Variants in BANP observed in about 807,000 individuals in gnomAD.
BANP encodes the protein BTG3 associated nuclear protein, also known as protein BANP.
In BANP, 11 loss-of-function variants were observed where a neutral mutation model predicts 68.1. The ratio of observed to expected loss-of-function variants is 0.16; its 90% CI spans 0.10 to 0.27. The LOEUF is 0.27. Among genes scored for constraint, BANP ranks in the 10% least tolerant of loss-of-function variants. BANP has a pLI of 1.00. For synonymous variants in BANP, 329 were observed against 303.2 expected (o/e 1.09, Z -0.88); for missense variants, 504 against 722.7 (o/e 0.70, Z 3.47).
At chr16:88,046,088 A>T (rs1318260948) in intron 11 of BANP, among the ~76,000 whole-genome samples, 7 of 152,220 alleles carry the variant, frequency 4.6e-5, no homozygotes, top group African/African-American at 1.4e-4. Context: ...GGTGGTGAGT[A>T]GGCGGGCTGT....
intron 6 of BANP, among the ~76,000 whole-genome samples, chr16:88,008,370 G>T (rs965140439): frequency 2.0e-5 from 3 of 152,160 alleles, no homozygotes; most frequent in African/African-American, 7.2e-5. Context: ...AAGGAGGGAT[G>T]CTCCTGATTT....
At chr16:88,058,735 A>T (rs201103287) in intron 11 of BANP, among the ~76,000 whole-genome samples, 1 of 151,454 alleles carries the variant, frequency 6.6e-6, no homozygotes, top group Admixed American at 6.6e-5. Context: ...TTAAGAAGCA[A>T]CTCGGACCCA....
chr16:87,954,165 C>G lies in BANP; in HGVS notation c.-69+2650C>G, dbSNP rs368425016. Among the ~76,000 whole-genome samples, 234 of 152,030 alleles carry G rather than the reference C, an allele frequency of 1.5e-3. 3 individuals are homozygous for G. The highest frequency in any genetic ancestry group is 2.4e-3 in the Non-Finnish European group (162 of 68,010). Reference sequence around the variant, plus strand: ...CGTTCTAGGTGGAGCCCTGGAGTTGCGTCTTTATCCTTCCTTCTGTGTCTC... The same window carrying G: ...CGTTCTAGGTGGAGCCCTGGAGTTGGGTCTTTATCCTTCCTTCTGTGTCTC... On this transcript the variant is annotated intron_variant, in intron 1 of 13. Coordinates refer to ENST00000682872, the MANE Select transcript of BANP (RefSeq NM_001386991.1).
intron 2 of BANP, among the ~76,000 whole-genome samples, chr16:87,980,265 G>C (rs1399384024): frequency 6.6e-6 from 1 of 152,202 alleles, no homozygotes; most frequent in African/African-American, 2.4e-5. Flanking sequence ...CTAGGTCTAA[G>C]GAAAAGGACT....
At chr16:88,073,817 C>A (rs4075599) in intron 13 of BANP, among the ~76,000 whole-genome samples, 1 of 152,152 alleles carries the variant, frequency 6.6e-6, no homozygotes, top group Non-Finnish European at 1.5e-5. Flanking sequence ...CAGAATTGAA[C>A]AAACCTGTGT....
chr16:87,972,864 G>C (rs1790189726), intron 1 of BANP, among the ~76,000 whole-genome samples: 2 of 152,116 alleles, frequency 1.3e-5, no homozygotes, highest in African/African-American at 4.8e-5. Flanking sequence ...GTTTTGAGAG[G>C]GCTTGGGGTC....
intron 11 of BANP, among the ~76,000 whole-genome samples, chr16:88,040,929 T>C (rs2080622029): frequency 6.6e-6 from 1 of 152,222 alleles, no homozygotes; most frequent in Admixed American, 6.5e-5. Flanking sequence ...CCAACTGTCA[T>C]TTAGGAATGG....
At chr16:87,998,433 G>C (rs1336632720) in intron 4 of BANP, among the ~76,000 whole-genome samples, 1 of 152,134 alleles carries the variant, frequency 6.6e-6, no homozygotes, top group African/African-American at 2.4e-5. Flanking sequence ...TGTGCCATCT[G>C]CGTGGGCTGC....
intron 8 of BANP, 79 bp from the exon 9 acceptor site, chr16:88,033,030 A>T (rs2078536697): frequency 3.5e-6 from 5 of 1,412,390 alleles, no homozygotes; most frequent in African/African-American, 1.4e-5. Flanking sequence ...ACAGTGGGGG[A>T]CGGGGGTGCA....
intron 12 of BANP, among the ~76,000 whole-genome samples, chr16:88,067,943 A>T (rs1005738485): frequency 6.6e-6 from 1 of 152,204 alleles, no homozygotes; most frequent in Non-Finnish European, 1.5e-5. Flanking sequence ...CACTGTGTCA[A>T]TGCCCCCTCC....
chr16:87,978,141 G>T (rs551123779), intron 2 of BANP, among the ~76,000 whole-genome samples: 5 of 152,210 alleles, frequency 3.3e-5, no homozygotes, highest in Admixed American at 2.6e-4. Context: ...CAGCCTGATT[G>T]TGATATCTTT....
At chr16:88,062,855 G>A (rs2087248917) in intron 11 of BANP, among the ~76,000 whole-genome samples, 1 of 152,206 alleles carries the variant, frequency 6.6e-6, no homozygotes, top group Non-Finnish European at 1.5e-5. Context: ...ATCAGACTTG[G>A]GGTTCTTTTC....
chr16:88,047,912 A>G (rs974972100), intron 11 of BANP, among the ~76,000 whole-genome samples: 19 of 152,210 alleles, frequency 1.2e-4, no homozygotes, highest in Admixed American at 1.1e-3. Flanking sequence ...TGAAGATTCT[A>G]TCTGAATTTA....
chr16:87,978,599 C>G (rs1447705918), intron 2 of BANP: 1 of 469,868 alleles, frequency 2.1e-6, no homozygotes, highest in Non-Finnish European at 4.4e-6. Context: ...GATGCGCTCC[C>G]TGCCTGTGAG....
rs542637546 is a variant in BANP at position 87,961,026 on chromosome 16, A to G, written c.-69+9511A>G. 2.6e-5 allele frequency among the ~76,000 whole-genome samples: 4 copies of G among 152,290 alleles called. No homozygotes were observed. In the South Asian group the frequency reaches 6.2e-4, roughly 24 times the overall value. ...CTTTTGATATTATAGACTGAACAAC[A>G]TTTGCAAGAGCTGCCTAACTCGGTG... On this transcript the variant is annotated intron_variant, in intron 1 of 13. Transcript: ENST00000682872.
rs1168056005 is a variant in BANP at position 88,005,913 on chromosome 16, C to G, written c.480-177C>G. On this transcript the variant is annotated intron_variant, in intron 5 of 13. Transcript: ENST00000682872. ...TTATTTTATACAGTTTCTTTCAGCC[C>G]CAGGCCATTTTCTCCCATGGAGTTT... Among the ~76,000 whole-genome samples, 4 of 152,164 alleles carry G rather than the reference C, an allele frequency of 2.6e-5. No individual in the cohort carries two copies. The East Asian group carries it at 7.7e-4, about 29-fold the overall frequency.
At position 88,064,215 on chromosome 16, in the gene BANP, A is replaced by G. The variant is rs1356679409; in HGVS notation, c.1312-1052A>G. 1.3e-5 allele frequency among the ~76,000 whole-genome samples: 2 copies of G among 150,256 alleles called. No homozygotes were observed. The highest frequency in any genetic ancestry group is 3.0e-5 in the Non-Finnish European group (2 of 67,546). The stretch of plus-strand genomic sequence containing the variant: ...GAGAGGCGCAGGGGAGCAGGGGGGG[A>G]GAGTGGACAGCGAGGCGGTGGATGT... On this transcript the variant is annotated intron_variant, in intron 11 of 13. Transcript: ENST00000682872. The surrounding 1 kb of genome is among the most constrained non-coding windows in gnomAD (Gnocchi z 4.5).
chr16:88,046,459 A>T (rs868384419), intron 11 of BANP, among the ~76,000 whole-genome samples: 1 of 152,188 alleles, frequency 6.6e-6, no homozygotes. Flanking sequence ...GACGTGCTCT[A>T]GTGATCTTAG....
At chr16:87,979,729 C>T (rs540540600) in intron 2 of BANP, among the ~76,000 whole-genome samples, 4 of 152,150 alleles carry the variant, frequency 2.6e-5, no homozygotes, top group African/African-American at 7.2e-5. Context: ...TGTTACAATA[C>T]GCATGCTCAT....
Sources: gnomAD v4.1 joint callset for allele counts (sites outside exome capture counted in the v4.1 genomes callset) on GRCh38, gnomAD v4.1.1 for gene constraint, Gnocchi (gnomAD v3.1) non-coding constraint, MANE v1.5 for transcripts, NCBI Gene and HGNC (gene_info 2026-07-23, HGNC 2026-07-21) for gene names.